PKD1: variants seen among roughly 807,000 people sequenced by gnomAD.
PKD1 encodes the protein polycystin-1.
PKD1 carries 81 observed loss-of-function variants against 361.7 expected under a neutral mutation model. The observed-to-expected ratio is 0.22, with a 90% CI of 0.19 to 0.27. The LOEUF is 0.27. PKD1 is among the 10% of genes least tolerant of loss of function. The pLI is 1.00. For synonymous variants in PKD1, 3,615 were observed against 2,818.3 expected, an observed-to-expected ratio of 1.28 and a Z score of -8.95; for missense variants, 6,399 against 6,118.3, an observed-to-expected ratio of 1.05 and a Z score of -1.53.
Position 2,102,714 on chromosome 16 carries a change from A to G in PKD1, c.8949-81T>C, listed in dbSNP as rs1333556402. The G allele has an allele frequency of 7.5e-6, 12 of 1,606,652 alleles. No homozygotes were observed. The Admixed American group carries it at 1.3e-4, about 18-fold the overall frequency. On this transcript the variant is annotated intron_variant, in intron 24 of 45. Coordinates refer to ENST00000262304, the MANE Select transcript of PKD1 (RefSeq NM_001009944.3). ...CAGTCTCAGAGCCCATACCCGGTCC[A>G]GTCCCCTCGCTGCCTGCCGTCCCCA... is the stretch of plus-strand genomic sequence containing the variant.
Position 2,094,114 on chromosome 16 carries a change from C to T in PKD1, c.10596G>A (p.Gln3532=), listed in dbSNP as rs758698789. 1.1e-5 allele frequency: 17 copies of T among 1,592,640 alleles called. No homozygotes were observed. Among genetic ancestry groups the T allele is most frequent in the Non-Finnish European group, 1.5e-5 (17 of 1,169,030 alleles). ...CACCTGTCCTGGACAGCCTCGCTGC[C>T]TGGGGCTGTTCCCAGTTCAGGCCTG... ...PSPGLNWEQP[Q]AARLSRTGLV... Residue 3532 remains glutamine, a synonymous_variant, in exon 35 of 46, where the codon CAG becomes CAA. Coordinates refer to ENST00000262304, the MANE Select transcript of PKD1 (RefSeq NM_001009944.3).
chr16:2,106,185 C>T lies in PKD1; in HGVS notation c.7609G>A (p.Ala2537Thr), dbSNP rs1424657534. ...VYKGSLSSYGAVLPPGFRPHF... is the reference protein window; with the variant it reads ...VYKGSLSSYGTVLPPGFRPHF... ...GGCCTGAAACCCGGGGGCAGCACGG[C>T]TCCGTAGCTGGAGAGGCTGCCCTTG... The change falls in exon 19 of 46, where the codon GCC becomes ACC. Residue 2537 changes from alanine to threonine, a missense_variant. Transcript: ENST00000262304. The surrounding 1 kb of genome is among the most constrained non-coding windows in gnomAD (Gnocchi z 6.5). 1.2e-6 allele frequency: 2 copies of T among 1,609,920 alleles called. No homozygotes were observed. Among genetic ancestry groups the T allele is most frequent in the African/African-American group, 1.3e-5 (1 of 74,850 alleles).
intron 30 of PKD1, chr16:2,099,274 C>T (rs535577471): frequency 6.1e-5 from 22 of 360,280 alleles, no homozygotes; most frequent in Admixed American, 1.9e-4. Flanking sequence ...GCCACTGGGA[C>T]GTTTCTAAGG....
intron 1 of PKD1, among the ~76,000 whole-genome samples, chr16:2,130,046 G>A (rs1014801337): frequency 1.3e-5 from 2 of 152,024 alleles, no homozygotes; most frequent in Non-Finnish European, 2.9e-5. Context: ...CACCCCTGCC[G>A]GCAATCGCGT....
chr16:2,091,724 G>A, intron 41 of PKD1, 57 bp downstream of exon 41: 3 of 1,596,250 alleles, frequency 1.9e-6, no homozygotes, highest in Non-Finnish European at 1.7e-6. Context: ...GAGTGAGGGT[G>A]GGCTCCTGGC....
chr16:2,091,945 C>T (rs764576916), intron 40 of PKD1, 39 bp from the exon 41 acceptor site: 12 of 1,611,626 alleles, frequency 7.4e-6, no homozygotes, highest in African/African-American at 2.7e-5. Context: ...CACCCCAGCC[C>T]TTCCGGCACC....
chr16:2,106,358 G>T lies in PKD1; in HGVS notation c.7489+40C>A, dbSNP rs138749120. On this transcript the variant is annotated intron_variant, in intron 18 of 45. Transcript: ENST00000262304. This position sits in a 1 kb window ranked among gnomAD's most constrained non-coding sequence, Gnocchi z 6.5. ...GAGGGCTCCGTGACGTCACAGAGTC[G>T]GGGGATCCCGCTGCTCCCCCCACGC... 5.7e-4 allele frequency: 915 copies of T among 1,599,758 alleles called. 6 individuals carry two copies. In the African/African-American group the frequency reaches 0.011, roughly 19 times the overall value.
chr16:2,111,405 C>G lies in PKD1; in HGVS notation c.3762G>C (p.Ser1254=). The G allele has an allele frequency of 6.2e-7, 1 of 1,611,698 alleles. No homozygotes were observed. Among genetic ancestry groups the G allele is most frequent in the Non-Finnish European group, 8.5e-7 (1 of 1,179,560 alleles). The change falls in exon 15 of 46, where the codon TCG becomes TCC. Residue 1254 remains serine (S), a synonymous_variant. Transcript: ENST00000262304. ...CATGCTCCACTGTTGCCTCCGGGCCCGACAGCACGGTGCCGTCCCCCATGT... is the reference window on the plus strand; with the variant it reads ...CATGCTCCACTGTTGCCTCCGGGCCGGACAGCACGGTGCCGTCCCCCATGT... ...TFDMGDGTVL[S]GPEATVEHVY... is the part of the protein sequence containing the mutation.
chr16:2,106,693 G>A lies in PKD1; in HGVS notation c.7210-16C>T, dbSNP rs4018164. ...CAGCCCACCGCTGCAGGCAGAAGGG[G>A]TGGTGAGGGGGCGCAACCCTCTGCC... On this transcript the variant is annotated splice_polypyrimidine_tract_variant and intron_variant, in intron 17 of 45. Coordinates refer to ENST00000262304, the MANE Select transcript of PKD1 (RefSeq NM_001009944.3). The surrounding 1 kb of genome is among the most constrained non-coding windows in gnomAD (Gnocchi z 6.5). 1.4e-5 allele frequency: 22 copies of A among 1,589,646 alleles called. No individual in the cohort carries two copies. The highest frequency in any genetic ancestry group is 3.3e-5 in the South Asian group (3 of 90,404).
At position 2,117,073 on chromosome 16, in the gene PKD1, G is replaced by C; in HGVS notation, c.1386-20C>G. 7.5e-7 allele frequency: 1 copy of C among 1,336,142 alleles called. No homozygotes were observed. The highest frequency in any genetic ancestry group is 1.0e-6 in the Non-Finnish European group (1 of 955,802). The allele number at this position is 1,336,142 out of a possible 1,614,324, so 82.8% of individuals were successfully genotyped here. On this transcript the variant is annotated intron_variant, in intron 6 of 45. Coordinates refer to ENST00000262304, the MANE Select transcript of PKD1 (RefSeq NM_001009944.3). Reference sequence around the variant, plus strand: ...AGGCTCCTGGGGGCGGGTGTGGGATGGCAGGGGGCTCAGGGCACTCCTCCA... The same window carrying C: ...AGGCTCCTGGGGGCGGGTGTGGGATCGCAGGGGGCTCAGGGCACTCCTCCA...
Position 2,105,304 on chromosome 16 carries a change from C to T in PKD1, c.8016+18G>A, listed in dbSNP as rs1389085988. The T allele has an allele frequency of 1.3e-6, 2 of 1,593,732 alleles. No individual in the cohort carries two copies. Among genetic ancestry groups the T allele is most frequent in the South Asian group, 2.2e-5 (2 of 90,948 alleles). ...TGGCAGGCATGCGGGGCAGGGTGAG[C>T]AGGTGGGGCCATCCTACCATGCACT... On this transcript the variant is annotated intron_variant, in intron 21 of 45. Transcript: ENST00000262304.
At position 2,091,987 on chromosome 16, in the gene PKD1, C is replaced by T. The variant is rs764653613; in HGVS notation, c.11411+60G>A. 4.3e-6 allele frequency: 7 copies of T among 1,612,248 alleles called. No homozygotes were observed. The African/African-American group carries it at 6.7e-5, about 15-fold the overall frequency. ...CCAGGCTGGTCAGGAGGCCGCGGCA[C>T]TCCTGGAGAACTACTCCCTTGTCCT... is the stretch of plus-strand genomic sequence containing the variant. On this transcript the variant is annotated intron_variant, in intron 40 of 45. Coordinates refer to ENST00000262304, the MANE Select transcript of PKD1 (RefSeq NM_001009944.3).
chr16:2,129,721 C>T (rs1424930962), intron 1 of PKD1, among the ~76,000 whole-genome samples: 1 of 151,430 alleles, frequency 6.6e-6, no homozygotes, highest in African/African-American at 2.4e-5. Flanking sequence ...GGCCAATGTT[C>T]TTTTATTTTT....
At position 2,118,257 on chromosome 16, in the gene PKD1, C is replaced by T; in HGVS notation, c.735G>A (p.Leu245=). ...AQPSSASFAC[L]SLCSGPPPPP... ...GTGGCGGGGGGCCGGAGCAGAGGGA[C>T]AGGCAGGCAAAGGAGGCACTGGAGG... Residue 245 remains leucine, a synonymous_variant, in exon 5 of 46, where the codon CTG becomes CTA. Coordinates refer to ENST00000262304, the MANE Select transcript of PKD1 (RefSeq NM_001009944.3). The surrounding 1 kb of genome is among the most constrained non-coding windows in gnomAD (Gnocchi z 6.0). 2 of 1,533,856 alleles carry T rather than the reference C, an allele frequency of 1.3e-6. No homozygotes were observed. Among genetic ancestry groups the T allele is most frequent in the Non-Finnish European group, 8.7e-7 (1 of 1,145,338 alleles).
At position 2,118,939 on chromosome 16, in the gene PKD1, A is replaced by G; in HGVS notation, c.360-94T>C. 3 of 701,898 alleles carry G rather than the reference A, an allele frequency of 4.3e-6. No individual in the cohort carries two copies. Among genetic ancestry groups the G allele is most frequent in the Non-Finnish European group, 4.9e-6 (2 of 408,880 alleles). The allele number at this position is 701,898 out of a possible 1,614,324, so 43.5% of individuals were successfully genotyped here. On this transcript the variant is annotated intron_variant, in intron 3 of 45. Transcript: ENST00000262304. The surrounding 1 kb of genome is among the most constrained non-coding windows in gnomAD (Gnocchi z 6.0). ...AACCAGGCCCTGGAGCCACCCTGACAGCACCGCCTCCCCTGCCCCAACCAA... is the reference window on the plus strand; with the variant it reads ...AACCAGGCCCTGGAGCCACCCTGACGGCACCGCCTCCCCTGCCCCAACCAA...
chr16:2,117,329 G>A (rs1253271334), intron 6 of PKD1, among the ~76,000 whole-genome samples, 160 bp downstream of exon 6: 1 of 152,196 alleles, frequency 6.6e-6, no homozygotes, highest in African/African-American at 2.4e-5. Context: ...CTCTGCATCT[G>A]CAGAGCTGAC....
intron 1 of PKD1, among the ~76,000 whole-genome samples, chr16:2,128,856 C>T (rs2092831530): frequency 6.6e-6 from 1 of 152,054 alleles, no homozygotes; most frequent in Admixed American, 6.6e-5. Context: ...AGGCATGCGC[C>T]ACCACGCTCA....
Position 2,111,788 on chromosome 16 carries a change from G to T in PKD1, c.3379C>A (p.Pro1127Thr). 1 of 1,608,854 alleles carries T rather than the reference G, an allele frequency of 6.2e-7. No individual in the cohort carries two copies. The highest frequency in any genetic ancestry group is 8.5e-7 in the Non-Finnish European group (1 of 1,179,000). The part of the protein sequence containing the change: ...QVPVSVRASL[P>T]SVAVGVSDGV... ...TCACTCACACCCACAGCCACGGAGG[G>T]CAGGGAGGCGCGCACGCTCACAGGC... The change falls in exon 15 of 46, where the codon CCC (proline) becomes ACC (threonine). Residue 1127 changes from proline to threonine, a missense_variant. Transcript: ENST00000262304.
In PKD1 at chr16:2,107,983, G is replaced by A. The variant is rs564570407; in HGVS notation, c.6965C>T (p.Thr2322Met). Residue 2322 changes from threonine (T) to methionine (M), a missense_variant, in exon 16 of 46, where the codon ACG becomes ATG. Transcript: ENST00000262304. ...ALNFGPRGSSTVTIPRERLAA... is the reference protein window; with the variant it reads ...ALNFGPRGSSMVTIPRERLAA... ...CAGCCGCTCCCGTGGAATGGTGACCGTGCTGCTCCCGCGGGGCCCAAAGTT... is the reference window on the plus strand; with the variant it reads ...CAGCCGCTCCCGTGGAATGGTGACCATGCTGCTCCCGCGGGGCCCAAAGTT... The A allele has an allele frequency of 3.8e-4, 586 of 1,548,306 alleles. 1 individual carries two copies. Among genetic ancestry groups the A allele is most frequent in the Non-Finnish European group, 4.6e-4 (529 of 1,147,132 alleles).
Sources: allele counts gnomAD v4.1 joint callset (sites outside exome capture counted in the v4.1 genomes callset), GRCh38; gene constraint gnomAD v4.1.1; non-coding constraint Gnocchi (gnomAD v3.1); transcripts MANE v1.5; gene names NCBI Gene and HGNC (gene_info 2026-07-23, HGNC 2026-07-21).